CACUL1: variants seen among roughly 807,000 people sequenced by gnomAD.
CACUL1 encodes CDK2-associated and cullin domain-containing protein 1.
Under a neutral mutation model 45.2 loss-of-function variants are expected in CACUL1, and 13 were observed. That is an observed-to-expected ratio of 0.29 (90% CI 0.19 to 0.46). The LOEUF (loss-of-function observed/expected upper bound fraction) is 0.46, where lower values mean the gene tolerates loss of function less well. CACUL1 is among the 20% of genes least tolerant of loss of function. CACUL1 has a pLI of 1.00. For synonymous variants in CACUL1, 197 were observed against 174.2 expected (o/e 1.13, Z -1.03); for missense variants, 421 against 471.4 (o/e 0.89, Z 0.99).
chr10:118,681,063 A>T lies in CACUL1; in HGVS notation c.*5065T>A, dbSNP rs1419283465. 1 of 152,238 alleles carries T rather than the reference A, an allele frequency of 6.6e-6. No homozygotes were observed. Among genetic ancestry groups the T allele is most frequent in the Non-Finnish European group, 1.5e-5 (1 of 68,034 alleles). The allele number at this position is 152,238 out of a possible 1,614,324, so 9.4% of individuals were successfully genotyped here. A position where few individuals can be genotyped will look rare whatever the true frequency, so the allele number is the denominator to read the frequency against. ...TATATGCCCTAATACAGAAGGAGTG[A>T]TTCAGAACCCACCAAAAGATCAAGA... On this transcript the variant is annotated 3_prime_UTR_variant, in exon 9 of 9. Coordinates refer to ENST00000369151, the MANE Select transcript of CACUL1 (RefSeq NM_153810.5).
At chr10:118,702,597 T>G (rs1316521922) in intron 4 of CACUL1, among the ~76,000 whole-genome samples, 2 of 151,790 alleles carry the variant, frequency 1.3e-5, no homozygotes, top group Admixed American at 6.6e-5. Flanking sequence ...TTTTTTTTTT[T>G]TGAGACAGAG....
chr10:118,728,808 A>C (rs995258943), intron 3 of CACUL1, among the ~76,000 whole-genome samples: 4 of 152,184 alleles, frequency 2.6e-5, no homozygotes, highest in African/African-American at 9.7e-5. Context: ...GTTTTTCTGC[A>C]ACCTGCCCCA....
At chr10:118,704,055 C>A (rs908784425) in intron 4 of CACUL1, among the ~76,000 whole-genome samples, 1 of 151,612 alleles carries the variant, frequency 6.6e-6, no homozygotes, top group Non-Finnish European at 1.5e-5. Flanking sequence ...TTCTTCCAGC[C>A]TGGGTGACAG....
In CACUL1 at chr10:118,697,719, C is replaced by T. The variant is rs968774286; in HGVS notation, c.797-2489G>A. Among the ~76,000 whole-genome samples, 18 of 152,342 alleles carry T rather than the reference C, an allele frequency of 1.2e-4. No homozygotes were observed. The South Asian group carries it at 3.5e-3, about 30-fold the overall frequency. Reference sequence around the variant, plus strand: ...AACTGCCTAAGAAAATTAACTAAAACGTAACTATTTAGAACACTGTGCAAA... The same window carrying T: ...AACTGCCTAAGAAAATTAACTAAAATGTAACTATTTAGAACACTGTGCAAA... On this transcript the variant is annotated intron_variant, in intron 5 of 8. Transcript: ENST00000369151.
intron 1 of CACUL1, among the ~76,000 whole-genome samples, chr10:118,731,009 C>A (rs1015122092): frequency 6.6e-6 from 1 of 152,168 alleles, no homozygotes; most frequent in Non-Finnish European, 1.5e-5. Flanking sequence ...ATAAGCCCAA[C>A]AGAAAAGAAG....
chr10:118,683,705 TATAAGAAAAC>T lies in CACUL1; in HGVS notation c.*2413_*2422del, dbSNP rs894455759. 6.6e-6 allele frequency: 1 copy of T among 151,760 alleles called. No individual in the cohort carries two copies. Among genetic ancestry groups the T allele is most frequent in the African/African-American group, 2.4e-5 (1 of 41,356 alleles). The allele number at this position is 151,760 out of a possible 1,614,324, so 9.4% of individuals were successfully genotyped here. ...GTGAGACTCCATCTCAAAAACAAAA[TATAAGAAAAC>T]AGAAGAAAACAGTTTCTGGCAAACA... On this transcript the variant is annotated 3_prime_UTR_variant, in exon 9 of 9. Transcript: ENST00000369151.
intron 1 of CACUL1, among the ~76,000 whole-genome samples, chr10:118,735,957 G>A (rs1286437872): frequency 6.6e-5 from 10 of 151,998 alleles, no homozygotes; most frequent in South Asian, 2.1e-4. Context: ...GCTAGTTAAT[G>A]TATGCTATCT....
chr10:118,731,684 C>T (rs933326625), intron 1 of CACUL1, among the ~76,000 whole-genome samples: 13 of 152,100 alleles, frequency 8.5e-5, no homozygotes, highest in Non-Finnish European at 1.8e-4. Flanking sequence ...TCGACAGGGG[C>T]TGGAAGGTGG....
At chr10:118,736,035 C>T (rs1362838253) in intron 1 of CACUL1, among the ~76,000 whole-genome samples, 2 of 152,118 alleles carry the variant, frequency 1.3e-5, no homozygotes, top group Admixed American at 6.6e-5. Context: ...AATAAATCTG[C>T]CTGAATGTTC....
At chr10:118,728,742 AAGGTTTACTGAAGTGGGC>A (rs1353587258) in intron 3 of CACUL1, among the ~76,000 whole-genome samples, 3 of 152,168 alleles carry the variant, frequency 2.0e-5, no homozygotes, top group Non-Finnish European at 4.4e-5. Context: ...TCAAGCACTG[AAGGTTTACTGAAGTGGGC>A]AGGGGGAGGA....
At chr10:118,724,923 T>C (rs1294205778) in intron 3 of CACUL1, among the ~76,000 whole-genome samples, 1 of 152,198 alleles carries the variant, frequency 6.6e-6, no homozygotes, top group Non-Finnish European at 1.5e-5. Context: ...GAAATTCAAA[T>C]CCAACAGGCA....
chr10:118,699,940 G>A (rs942251427), intron 5 of CACUL1, among the ~76,000 whole-genome samples: 5 of 151,776 alleles, frequency 3.3e-5, no homozygotes, highest in Non-Finnish European at 7.4e-5. Flanking sequence ...GAGCCACTGC[G>A]CCCGGCCAAG....
chr10:118,695,431 C>A (rs1233904516), intron 5 of CACUL1, among the ~76,000 whole-genome samples: 1 of 152,104 alleles, frequency 6.6e-6, no homozygotes. Flanking sequence ...GGTCTGCTGG[C>A]CACTAATGGA....
intron 3 of CACUL1, among the ~76,000 whole-genome samples, chr10:118,712,984 C>T (rs1399870171): frequency 6.6e-6 from 1 of 152,244 alleles, no homozygotes; most frequent in Non-Finnish European, 1.5e-5. Flanking sequence ...TGCCCTCTTC[C>T]ACCCAGGAAC....
rs1845170290 is a variant in CACUL1, at chr10:118,683,170, T to C, written c.*2958A>G. 1 of 152,166 alleles carries C rather than the reference T, an allele frequency of 6.6e-6. No homozygotes were observed. Among genetic ancestry groups the C allele is most frequent in the African/African-American group, 2.4e-5 (1 of 41,444 alleles). 9.4% of individuals were successfully genotyped at this position (152,166 alleles called of 1,614,324 possible). On this transcript the variant is annotated 3_prime_UTR_variant, in exon 9 of 9. Coordinates refer to ENST00000369151, the MANE Select transcript of CACUL1 (RefSeq NM_153810.5). The stretch of plus-strand genomic sequence containing the variant: ...ACAATTATCGATTTACTTTTACATG[T>C]CATTTTTTCAAGATGACTGACCCGG...
chr10:118,720,720 T>C (rs951387614), intron 3 of CACUL1, among the ~76,000 whole-genome samples: 2 of 152,224 alleles, frequency 1.3e-5, no homozygotes, highest in Non-Finnish European at 2.9e-5. Flanking sequence ...GGATCTCTAT[T>C]TTTGGGCCTG....
At chr10:118,731,209 CTG>C (rs2119643539) in intron 1 of CACUL1, among the ~76,000 whole-genome samples, 1 of 152,322 alleles carries the variant, frequency 6.6e-6, no homozygotes, top group Admixed American at 6.5e-5. Flanking sequence ...TGCCTATATT[CTG>C]TGTCATGAAT....
intron 3 of CACUL1, among the ~76,000 whole-genome samples, chr10:118,709,649 AT>A (rs1264559023): frequency 6.6e-6 from 1 of 152,234 alleles, no homozygotes; most frequent in Non-Finnish European, 1.5e-5. Flanking sequence ...AAATAAGGAT[AT>A]TAAGAAATGC....
At chr10:118,695,045 A>G in intron 6 of CACUL1, 96 bp downstream of exon 6, 2 of 741,438 alleles carry the variant, frequency 2.7e-6, no homozygotes, top group Non-Finnish European at 4.8e-6. Flanking sequence ...AAATCCAAGT[A>G]CCATTAAGCC....
Sources: gnomAD v4.1 joint callset for allele counts (sites outside exome capture counted in the v4.1 genomes callset) on GRCh38, gnomAD v4.1.1 for gene constraint, MANE v1.5 for transcripts, NCBI Gene and HGNC (gene_info 2026-07-23, HGNC 2026-07-21) for gene names.